Variants in GPALPP1 observed in about 807,000 individuals in gnomAD.
The protein encoded by GPALPP1 is GPALPP motifs-containing protein 1.
A neutral mutation model predicts 38.9 loss-of-function variants in GPALPP1; 30 were observed. That is an observed-to-expected ratio of 0.77 (90% CI 0.58 to 1.05). The LOEUF is 1.05. Ranked by LOEUF, GPALPP1 falls within the 50% of genes least tolerant of loss-of-function variation. The probability of loss-of-function intolerance (pLI) is 0.00; values close to 1 mark genes in which losing one functional copy is unlikely to be tolerated. For missense variants in GPALPP1, 384 were observed against 408.8 expected, an observed-to-expected ratio of 0.94 and a Z score of 0.52; for synonymous variants, 120 against 139.2, an observed-to-expected ratio of 0.86 and a Z score of 0.97.
At chr13:45,012,235 G>C (rs1874530110) in intron 4 of GPALPP1, among the ~76,000 whole-genome samples, 1 of 152,256 alleles carries the variant, frequency 6.6e-6, no homozygotes, top group East Asian at 1.9e-4. Context: ...GGGGACTAGA[G>C]GACCAGAGAA....
In GPALPP1 at chr13:45,015,483, G is replaced by A. The variant is rs762060082; in HGVS notation, c.592G>A (p.Glu198Lys). The change falls in exon 6 of 8, where the codon GAA (glutamate) becomes AAA (lysine). Residue 198 changes from glutamate to lysine, a missense_variant. By Grantham distance (56) the Glu-to-Lys change is moderately conservative. Transcript: ENST00000379151. ...RESWMTELPP[E>K]MKDFGLGPRT... The stretch of plus-strand genomic sequence containing the variant: ...GTCATGGATGACTGAACTTCCTCCA[G>A]AAATGAAAGACTTTGGTCTTGGGCC... 6.2e-7 allele frequency: 1 copy of A among 1,607,482 alleles called. No homozygotes were observed. The highest frequency in any genetic ancestry group is 8.5e-7 in the Non-Finnish European group (1 of 1,176,954).
At chr13:45,005,461 CTTTG>C (rs1013916289) in intron 2 of GPALPP1, among the ~76,000 whole-genome samples, 1 of 152,014 alleles carries the variant, frequency 6.6e-6, no homozygotes, top group African/African-American at 2.4e-5. Flanking sequence ...GAAGTCAAAT[CTTTG>C]TTTATTATTG....
chr13:44,990,861 G>A (rs1396943193), intron 1 of GPALPP1, among the ~76,000 whole-genome samples: 1 of 152,168 alleles, frequency 6.6e-6, no homozygotes, highest in African/African-American at 2.4e-5. Context: ...GGCTGAGACG[G>A]GGCGGATCAC....
intron 1 of GPALPP1, among the ~76,000 whole-genome samples, chr13:44,996,566 C>T (rs1873293121): frequency 6.6e-6 from 1 of 151,562 alleles, no homozygotes; most frequent in Non-Finnish European, 1.5e-5. Flanking sequence ...TTACTGCAAC[C>T]TCTGCCTCCT....
intron 4 of GPALPP1, among the ~76,000 whole-genome samples, chr13:45,009,360 A>G (rs985686218): frequency 2.6e-5 from 4 of 152,262 alleles, no homozygotes; most frequent in Admixed American, 2.6e-4. Flanking sequence ...GGAGTAAAGT[A>G]TAAAGGCTGT....
intron 6 of GPALPP1, among the ~76,000 whole-genome samples, chr13:45,019,073 A>ATG (rs1264459568): frequency 3.7e-5 from 5 of 136,624 alleles, no homozygotes; most frequent in Non-Finnish European, 7.8e-5. Flanking sequence ...ATATAAATAT[A>ATG]TACATATAAA....
intron 5 of GPALPP1, 75 bp downstream of exon 5, chr13:45,015,158 A>G (rs994320730): frequency 8.4e-6 from 8 of 950,862 alleles, no homozygotes; most frequent in African/African-American, 1.7e-5. Flanking sequence ...ACACTAAACT[A>G]TATAACTTTT....
At chr13:45,006,102 T>C in intron 2 of GPALPP1, 100 bp from the exon 3 acceptor site, 1 of 656,408 alleles carries the variant, frequency 1.5e-6, no homozygotes, top group Non-Finnish European at 2.7e-6. Context: ...TTGCAGTGTT[T>C]ATACAACTAG....
At chr13:45,027,497 G>A (rs1189793171) in intron 7 of GPALPP1, among the ~76,000 whole-genome samples, 3 of 152,022 alleles carry the variant, frequency 2.0e-5, no homozygotes, top group Admixed American at 1.3e-4. Context: ...CGTCCATTTA[G>A]CCTTCAAAGA....
rs568598338 is a variant in GPALPP1 at position 44,996,317 on chromosome 13, C to T, written c.88+6575C>T. Among the ~76,000 whole-genome samples, 6 of 151,162 alleles carry T rather than the reference C, an allele frequency of 4.0e-5. No individual in the cohort carries two copies. In the East Asian group the frequency reaches 7.9e-4, roughly 20 times the overall value. ...TTGCAGTGAGCTGTGATCACACCACCGCACTCCAGCCTGAGTGTTAAAACA... is the reference window on the plus strand; with the variant it reads ...TTGCAGTGAGCTGTGATCACACCACTGCACTCCAGCCTGAGTGTTAAAACA... On this transcript the variant is annotated intron_variant, in intron 1 of 7. Transcript: ENST00000379151.
At chr13:45,025,920 G>A (rs182348109) in intron 7 of GPALPP1, among the ~76,000 whole-genome samples, 12 of 152,016 alleles carry the variant, frequency 7.9e-5, no homozygotes, top group Non-Finnish European at 1.5e-4. Context: ...ACAGGCATTC[G>A]CCACCATGCC....
At chr13:45,000,663 T>G (rs370832819) in intron 1 of GPALPP1, among the ~76,000 whole-genome samples, 37 of 152,290 alleles carry the variant, frequency 2.4e-4, no homozygotes, top group African/African-American at 7.5e-4. Context: ...ATATCTTCCC[T>G]CTTTAATGTA....
intron 1 of GPALPP1, among the ~76,000 whole-genome samples, chr13:45,002,962 C>A (rs1407450333): frequency 6.6e-6 from 1 of 152,180 alleles, no homozygotes. Flanking sequence ...TACAGTGTCA[C>A]CTTTTTCCTA....
intron 6 of GPALPP1, among the ~76,000 whole-genome samples, chr13:45,016,930 CCT>C (rs34677595): frequency 0.058 from 8,760 of 152,294 alleles, 389 homozygotes; most frequent in East Asian, 0.12. Context: ...CTGTGCGCAG[CCT>C]CTCTCTAAAG....
At chr13:45,010,054 C>T (rs1168406203) in intron 4 of GPALPP1, among the ~76,000 whole-genome samples, 1 of 152,140 alleles carries the variant, frequency 6.6e-6, no homozygotes, top group African/African-American at 2.4e-5. Flanking sequence ...CACCAAATTA[C>T]TCCTCCTCTC....
chr13:44,991,785 T>G lies in GPALPP1; in HGVS notation c.88+2043T>G, dbSNP rs182326348. 3.0e-3 allele frequency among the ~76,000 whole-genome samples: 455 copies of G among 152,316 alleles called. 2 individuals carry two copies. The highest frequency in any genetic ancestry group is 9.7e-3 in the African/African-American group (403 of 41,568). ...ACCAGAGGGTAACTGCTTCCTTGATTTATAGCATCACAGATTCGTTTTGCA... is the reference window on the plus strand; with the variant it reads ...ACCAGAGGGTAACTGCTTCCTTGATGTATAGCATCACAGATTCGTTTTGCA... On this transcript the variant is annotated intron_variant, in intron 1 of 7. Transcript: ENST00000379151.
At chr13:45,022,437 T>TA (rs897480976) in intron 7 of GPALPP1, among the ~76,000 whole-genome samples, 3 of 151,840 alleles carry the variant, frequency 2.0e-5, no homozygotes, top group Non-Finnish European at 2.9e-5. Flanking sequence ...AATATATATA[T>TA]AAAAAAACAA....
At chr13:45,017,531 G>A (rs1427046749) in intron 6 of GPALPP1, among the ~76,000 whole-genome samples, 2 of 152,124 alleles carry the variant, frequency 1.3e-5, no homozygotes, top group Non-Finnish European at 2.9e-5. Flanking sequence ...CTTTAAGATT[G>A]TCTCCAAAAA....
At chr13:45,004,217 A>G in intron 1 of GPALPP1, 88 bp from the exon 2 acceptor site, 1 of 1,039,428 alleles carries the variant, frequency 9.6e-7, no homozygotes, top group Non-Finnish European at 1.4e-6. Flanking sequence ...AGTGCTGTTT[A>G]TTTCAGAAAA....
Sources: allele counts gnomAD v4.1 joint callset (sites outside exome capture counted in the v4.1 genomes callset), GRCh38; gene constraint gnomAD v4.1.1; transcripts MANE v1.5; gene names NCBI Gene and HGNC (gene_info 2026-07-23, HGNC 2026-07-21).